The following UROS variants were observed in gnomAD, a reference collection of about 807,000 sequenced individuals.
UROS encodes uroporphyrinogen III synthase.
In UROS, 18 loss-of-function variants were observed where a neutral mutation model predicts 33.0. The ratio of observed to expected loss-of-function variants is 0.55; its 90% CI spans 0.38 to 0.81. UROS has a LOEUF of 0.81. Among genes scored for constraint, UROS ranks in the 30% least tolerant of loss-of-function variants. The pLI, the probability that UROS is intolerant of heterozygous loss-of-function variation, is 0.00. For synonymous variants in UROS, 114 were observed against 121.1 expected (o/e 0.94, Z 0.38); for missense variants, 293 against 314.9 (o/e 0.93, Z 0.53).
intron 5 of UROS, among the ~76,000 whole-genome samples, chr10:125,810,470 T>C (rs1343806277): frequency 6.6e-6 from 1 of 152,170 alleles, no homozygotes; most frequent in Non-Finnish European, 1.5e-5. Flanking sequence ...CCTCAAAATG[T>C]CTGTAGCCCT....
chr10:125,817,052 C>T (rs1277641114), intron 1 of UROS, among the ~76,000 whole-genome samples: 1 of 152,026 alleles, frequency 6.6e-6, no homozygotes, highest in East Asian at 1.9e-4. Context: ...TATACTTCAT[C>T]TTCTTTCTTC....
chr10:125,803,445 G>A (rs1239634578), intron 6 of UROS, among the ~76,000 whole-genome samples: 2 of 152,204 alleles, frequency 1.3e-5, no homozygotes, highest in Non-Finnish European at 2.9e-5. Context: ...ACCTGCCACA[G>A]CACCCCAGGC....
At chr10:125,802,786 G>A (rs1039714141) in intron 6 of UROS, 11 of 1,435,820 alleles carry the variant, frequency 7.7e-6, no homozygotes, top group East Asian at 5.0e-5. Context: ...AACTCCCAGC[G>A]GTACAGACTG....
chr10:125,803,341 T>G (rs900096797), intron 6 of UROS, among the ~76,000 whole-genome samples: 2 of 152,154 alleles, frequency 1.3e-5, no homozygotes, highest in African/African-American at 2.4e-5. Context: ...GCATTTCTGT[T>G]ATGCCCCCAG....
chr10:125,791,108 T>C (rs1850905622), intron 9 of UROS, among the ~76,000 whole-genome samples: 1 of 144,492 alleles, frequency 6.9e-6, no homozygotes, highest in African/African-American at 2.5e-5. Context: ...AAAAAAAAAA[T>C]TGTATTCAGA....
At position 125,788,790 on chromosome 10, in the gene UROS, G is replaced by A; in HGVS notation, c.*78C>T. On this transcript the variant is annotated 3_prime_UTR_variant, in exon 10 of 10. Transcript: ENST00000368797. The stretch of plus-strand genomic sequence containing the variant: ...AGTCTGACGGCAGCAGCTCCCGAGA[G>A]CCCTTGCCGATGCCTGGCTCCATCC... 1 of 1,512,798 alleles carries A rather than the reference G, an allele frequency of 6.6e-7. No individual in the cohort carries two copies. Among genetic ancestry groups the A allele is most frequent in the South Asian group, 1.2e-5 (1 of 80,722 alleles). The allele number at this position is 1,512,798 out of a possible 1,614,324, so 93.7% of individuals were successfully genotyped here.
At position 125,788,592 on chromosome 10, in the gene UROS, T is replaced by G. The variant is rs1433901482; in HGVS notation, c.*276A>C. ...CAACCATACACTCAGTAAGCACAGG[T>G]AGTCAGTGTGGTTTATTTGACTTCC... On this transcript the variant is annotated 3_prime_UTR_variant, in exon 10 of 10. Transcript: ENST00000368797. 1.7e-5 allele frequency: 24 copies of G among 1,382,100 alleles called. No individual in the cohort carries two copies. The highest frequency in any genetic ancestry group is 3.0e-5 in the Admixed American group (1 of 33,354). The allele number at this position is 1,382,100 out of a possible 1,614,324, so 85.6% of individuals were successfully genotyped here.
chr10:125,810,456 C>G (rs769478914), intron 5 of UROS, among the ~76,000 whole-genome samples: 8 of 152,124 alleles, frequency 5.3e-5, no homozygotes, highest in Non-Finnish European at 1.0e-4. Context: ...TCCCCTAAGT[C>G]AAGCCTCAAA....
chr10:125,816,614 C>CGATT, intron 1 of UROS, 89 bp from the exon 2 acceptor site: 1 of 1,289,628 alleles, frequency 7.8e-7, no homozygotes, highest in Non-Finnish European at 1.1e-6. Context: ...AAGAAGAAGG[C>CGATT]AATCAAATGC....
downstream of UROS, chr10:125,785,065 T>C (rs1216912722): frequency 6.6e-6 from 1 of 152,234 alleles, no homozygotes; most frequent in Non-Finnish European, 1.5e-5. Flanking sequence ...TTTTATCATT[T>C]AGATTTGATT....
At chr10:125,788,492 A>C, downstream of UROS, 1 of 1,074,280 alleles carries the variant, frequency 9.3e-7, no homozygotes. Context: ...GATTCATAGC[A>C]GGTTTGTGGG....
intron 9 of UROS, among the ~76,000 whole-genome samples, chr10:125,790,715 G>A (rs1190997048): frequency 1.3e-5 from 2 of 150,318 alleles, no homozygotes; most frequent in African/African-American, 2.5e-5. Context: ...CCCGGGAGGC[G>A]GAGGTTGCAG....
chr10:125,801,619 G>T (rs1851845526), intron 6 of UROS, among the ~76,000 whole-genome samples: 1 of 152,212 alleles, frequency 6.6e-6, no homozygotes, highest in African/African-American at 2.4e-5. Flanking sequence ...AGTCAACATG[G>T]ATTTTTATTT....
rs1023777101 is a variant in UROS, at chr10:125,789,198, C to G, written c.661-193G>C. On this transcript the variant is annotated intron_variant, in intron 9 of 9. Coordinates refer to ENST00000368797, the MANE Select transcript of UROS (RefSeq NM_000375.3). ...AGCGTGCAAAATACCTCTGCATCCA[C>G]GCTCTCATCAGTCTGCCACCCTGAG... 8.4e-6 allele frequency: 12 copies of G among 1,435,658 alleles called. No individual in the cohort carries two copies. In the African/African-American group the frequency reaches 1.4e-4, roughly 17 times the overall value. 88.9% of individuals were successfully genotyped at this position (1,435,658 alleles called of 1,614,324 possible).
intron 6 of UROS, chr10:125,802,914 T>C: frequency 6.2e-7 from 1 of 1,606,812 alleles, no homozygotes; most frequent in Non-Finnish European, 8.5e-7. Flanking sequence ...CCCCACCGCC[T>C]TGCCACCAAG....
At chr10:125,800,565 CTTTT>C (rs367801933) in intron 6 of UROS, among the ~76,000 whole-genome samples, 2 of 140,400 alleles carry the variant, frequency 1.4e-5, no homozygotes, top group African/African-American at 5.2e-5. Flanking sequence ...TTCTTTCTTT[CTTTT>C]TTTTTTTTTT....
chr10:125,811,065 A>C (rs1852771289), intron 5 of UROS, among the ~76,000 whole-genome samples: 1 of 152,206 alleles, frequency 6.6e-6, no homozygotes, highest in Non-Finnish European at 1.5e-5. Flanking sequence ...TCTAAGTCTC[A>C]AGACATAGAT....
intron 6 of UROS, among the ~76,000 whole-genome samples, chr10:125,805,644 A>C (rs969906428): frequency 3.9e-5 from 6 of 152,212 alleles, no homozygotes; most frequent in African/African-American, 1.2e-4. Flanking sequence ...AATTGTATTT[A>C]ATTTCAATTA....
At chr10:125,795,318 T>C (rs1158799075) in intron 8 of UROS, 8 of 353,906 alleles carry the variant, frequency 2.3e-5, no homozygotes, top group Non-Finnish European at 4.3e-5. Flanking sequence ...GAGGCAGTGG[T>C]GTGAGGCAGT....
Sources: allele counts gnomAD v4.1 joint callset (sites outside exome capture counted in the v4.1 genomes callset), GRCh38; gene constraint gnomAD v4.1.1; transcripts MANE v1.5; gene names NCBI Gene and HGNC (gene_info 2026-07-23, HGNC 2026-07-21).